The following SLC25A25 variants were observed in gnomAD, a reference collection of about 807,000 sequenced individuals.
The protein encoded by SLC25A25 is mitochondrial adenyl nucleotide antiporter SLC25A25.
A neutral mutation model predicts 57.7 loss-of-function variants in SLC25A25; 32 were observed. That is an observed-to-expected ratio of 0.55 (90% CI 0.42 to 0.74). The LOEUF is 0.74. Among genes scored for constraint, SLC25A25 ranks in the 30% least tolerant of loss-of-function variants. The pLI, the probability that SLC25A25 is intolerant of heterozygous loss-of-function variation, is 0.00. For missense variants in SLC25A25, 556 were observed against 701.3 expected (o/e 0.79, Z 2.34); for synonymous variants, 306 against 291.2 (o/e 1.05, Z -0.52).
rs1833779125 is a variant in SLC25A25 at position 128,101,207 on chromosome 9, G to A, written c.373G>A (p.Asp125Asn). The A allele has an allele frequency of 6.2e-7, 1 of 1,614,256 alleles. No individual in the cohort carries two copies. The highest frequency in any genetic ancestry group is 1.1e-5 in the South Asian group (1 of 91,088). The change falls in exon 2 of 11, where the codon GAC becomes AAC. Residue 125 changes from aspartate (D) to asparagine (N), a missense_variant. This residue lies in a region of SLC25A25 where 248 missense variants were observed against 273.5 expected (regional missense o/e 0.91). Coordinates refer to ENST00000373069, the MANE Select transcript of SLC25A25 (RefSeq NM_001330988.2). The surrounding 1 kb of genome is among the most constrained non-coding windows in gnomAD (Gnocchi z 4.9). ...GCTGAGGCTGGTGTTTAAGAGTTTG[G>A]ACAAAAAGAATGATGGTAAGTGTTG... ...KKLRLVFKSL[D>N]KKNDGRIDAQ...
intron 6 of SLC25A25, among the ~76,000 whole-genome samples, chr9:128,105,158 CTTTTTTTTTT>C (rs11351573): frequency 2.4e-4 from 7 of 29,134 alleles, no homozygotes; most frequent in African/African-American, 8.0e-4. Context: ...CACTCCCGGC[CTTTTTTTTTT>C]TTTTTTTTTT....
chr9:128,084,117 C>A (rs868457113), intron 1 of SLC25A25, among the ~76,000 whole-genome samples: 82 of 152,250 alleles, frequency 5.4e-4, no homozygotes, highest in African/African-American at 2.0e-3. Context: ...CACCAACCAA[C>A]TGAATGGACC....
chr9:128,081,540 A>T (rs1833155803), intron 1 of SLC25A25, among the ~76,000 whole-genome samples: 1 of 152,140 alleles, frequency 6.6e-6, no homozygotes, highest in African/African-American at 2.4e-5. Flanking sequence ...GGGTTGTCAC[A>T]TGCTGGCCTC....
In SLC25A25 at chr9:128,080,261, C is replaced by A. The variant is rs778684386; in HGVS notation, c.261+11681C>A. Among the ~76,000 whole-genome samples, 594 of 143,490 alleles carry A rather than the reference C, an allele frequency of 4.1e-3. 3 individuals are homozygous for A. Among genetic ancestry groups the A allele is most frequent in the Admixed American group, 0.012 (168 of 14,482 alleles). 94.1% of individuals were successfully genotyped at this position (143,490 alleles called of 152,430 possible). ...AAAAAACAAAAAAACAAAAAAAAAA[C>A]CCACAAAAAACCCAGGAGGTGGAGG... On this transcript the variant is annotated intron_variant, in intron 1 of 10. Transcript: ENST00000373069.
chr9:128,093,624 G>A (rs540804684), intron 1 of SLC25A25, among the ~76,000 whole-genome samples: 1 of 152,354 alleles, frequency 6.6e-6, no homozygotes, highest in East Asian at 1.9e-4. Context: ...GCCCCAAGTG[G>A]GATATGGGGC....
chr9:128,096,827 A>G (rs542107511), intron 1 of SLC25A25, among the ~76,000 whole-genome samples: 2 of 152,366 alleles, frequency 1.3e-5, no homozygotes, highest in East Asian at 3.9e-4. Flanking sequence ...TGGATTGGGC[A>G]GCTTAAGAGA....
At chr9:128,086,322 C>T (rs562084550) in intron 1 of SLC25A25, among the ~76,000 whole-genome samples, 7 of 134,054 alleles carry the variant, frequency 5.2e-5, no homozygotes, top group East Asian at 2.2e-4. Flanking sequence ...CCACTATACT[C>T]GGCTAATTTT....
At chr9:128,080,618 T>G (rs1291065027) in intron 1 of SLC25A25, among the ~76,000 whole-genome samples, 2 of 151,184 alleles carry the variant, frequency 1.3e-5, no homozygotes, top group East Asian at 1.9e-4. Context: ...AGAGATGAGG[T>G]TTCACCATGC....
rs985845150 is a variant in SLC25A25 at position 128,069,358 on chromosome 9, C to G, written c.261+778C>G. Among the ~76,000 whole-genome samples, 6 of 152,158 alleles carry G rather than the reference C, an allele frequency of 3.9e-5. No individual in the cohort carries two copies. In the East Asian group the frequency reaches 1.2e-3, roughly 29 times the overall value. ...CTCAGAGCAGAGGCTGTTTCTTTCC[C>G]TTCTGTCTCTTCCCCCTTCAGTCTG... On this transcript the variant is annotated intron_variant, in intron 1 of 10. Transcript: ENST00000373069.
chr9:128,100,765 C>G (rs925141625), intron 1 of SLC25A25: 1 of 301,706 alleles, frequency 3.3e-6, no homozygotes, highest in Non-Finnish European at 6.3e-6. Context: ...CTGTACGGCA[C>G]GCAGGTCTTC....
At position 128,103,752 on chromosome 9, in the gene SLC25A25, G is replaced by A. The variant is rs1833901103; in HGVS notation, c.696G>A (p.Trp232Ter). Residue 232 changes from tryptophan to a stop codon, truncating the protein, a stop_gained, in exon 6 of 11, where the codon TGG (tryptophan) becomes TGA (stop). Coordinates refer to ENST00000373069, the MANE Select transcript of SLC25A25 (RefSeq NM_001330988.2). LOFTEE classifies it high-confidence loss of function. The surrounding 1 kb of genome is among the most constrained non-coding windows in gnomAD (Gnocchi z 6.7). ...TGGAGGAGAGGCAGACGGGGATGTG[G>A]TGGAGACACCTGGTGGCAGGAGGTG... Reference protein sequence around the residue: ...FTVEERQTGMWWRHLVAGGGA... With the variant: ...FTVEERQTGM 4 of 1,614,172 alleles carry A rather than the reference G, an allele frequency of 2.5e-6. No homozygotes were observed. The highest frequency in any genetic ancestry group is 3.4e-6 in the Non-Finnish European group (4 of 1,180,014).
chr9:128,101,297 C>G lies in SLC25A25; in HGVS notation c.389-12C>G. On this transcript the variant is annotated splice_polypyrimidine_tract_variant and intron_variant, in intron 2 of 10. Transcript: ENST00000373069. This position sits in a 1 kb window ranked among gnomAD's most constrained non-coding sequence, Gnocchi z 4.9. ...TGCGCCTGGCTCCTGCTCACGGCCT[C>G]TGTTCTTGCAGGACGCATTGACGCG... is the stretch of plus-strand genomic sequence containing the variant. 1 of 1,614,268 alleles carries G rather than the reference C, an allele frequency of 6.2e-7. No homozygotes were observed. The highest frequency in any genetic ancestry group is 8.5e-7 in the Non-Finnish European group (1 of 1,180,044).
At chr9:128,093,802 G>A (rs189039318) in intron 1 of SLC25A25, among the ~76,000 whole-genome samples, 1 of 152,300 alleles carries the variant, frequency 6.6e-6, no homozygotes, top group East Asian at 1.9e-4. Flanking sequence ...GATTGGGGCT[G>A]GCCTCACCAA....
chr9:128,096,362 A>G (rs1216006478), intron 1 of SLC25A25, among the ~76,000 whole-genome samples: 2 of 152,160 alleles, frequency 1.3e-5, no homozygotes, highest in Non-Finnish European at 2.9e-5. Context: ...TACAAAAATC[A>G]GCCAGGCGTG....
rs1025912363 is a variant in SLC25A25 at position 128,107,473 on chromosome 9, C to T, written c.*29C>T. On this transcript the variant is annotated 3_prime_UTR_variant, in exon 11 of 11. Transcript: ENST00000373069. ...GGGGAGGGCCGCCCGGCAGTGGACT[C>T]GCTGATCCTGGGCCGCAGCCTGGGG... 2.7e-6 allele frequency: 4 copies of T among 1,503,968 alleles called. No individual in the cohort carries two copies. Among genetic ancestry groups the T allele is most frequent in the Admixed American group, 2.3e-5 (1 of 42,906 alleles). 93.2% of individuals were successfully genotyped at this position (1,503,968 alleles called of 1,614,324 possible).
rs1249923183 is a variant in SLC25A25, at chr9:128,107,197, C to A, written c.1363+18C>A. 6.2e-7 allele frequency: 1 copy of A among 1,613,566 alleles called. No individual in the cohort carries two copies. Among genetic ancestry groups the A allele is most frequent in the Admixed American group, 1.7e-5 (1 of 60,012 alleles). Reference sequence around the variant, plus strand: ...GGCGCAAGGTAAGGCTGGCCCTGGACAGTCCCCTGGGAGGTCGGGGGGAGC... The same window carrying A: ...GGCGCAAGGTAAGGCTGGCCCTGGAAAGTCCCCTGGGAGGTCGGGGGGAGC... On this transcript the variant is annotated intron_variant, in intron 10 of 10. Transcript: ENST00000373069.
At chr9:128,073,738 CT>C (rs879805302) in intron 1 of SLC25A25, among the ~76,000 whole-genome samples, 331 of 145,120 alleles carry the variant, frequency 2.3e-3, no homozygotes, top group East Asian at 4.0e-3. Context: ...AACTAGAATA[CT>C]TTTTTTTTTT....
chr9:128,076,882 A>G (rs143301441), intron 1 of SLC25A25, among the ~76,000 whole-genome samples: 51 of 152,310 alleles, frequency 3.3e-4, no homozygotes, highest in Admixed American at 7.2e-4. Context: ...TCCACCCAAC[A>G]TGGAGATAAG....
intron 1 of SLC25A25, among the ~76,000 whole-genome samples, chr9:128,082,738 C>T (rs1019872308): frequency 1.3e-5 from 2 of 152,092 alleles, no homozygotes; most frequent in Non-Finnish European, 2.9e-5. Flanking sequence ...CTCCGCCTCC[C>T]GGATTCAAGG....
Sources: gnomAD v4.1 joint callset for allele counts (sites outside exome capture counted in the v4.1 genomes callset) on GRCh38, gnomAD v4.1.1 for gene constraint, gnomAD v4.1.1 regional missense constraint, Gnocchi (gnomAD v3.1) non-coding constraint, MANE v1.5 for transcripts, NCBI Gene and HGNC (gene_info 2026-07-23, HGNC 2026-07-21) for gene names.